Variants in CCDC85A observed in about 807,000 individuals in gnomAD.
CCDC85A encodes coiled-coil domain containing 85A.
Under a neutral mutation model 50.2 loss-of-function variants are expected in CCDC85A, and 38 were observed. The ratio of observed to expected loss-of-function variants is 0.76; its 90% CI spans 0.58 to 0.99. The LOEUF (loss-of-function observed/expected upper bound fraction) is 0.99. CCDC85A is among the 50% of genes least tolerant of loss of function. The pLI, the probability that CCDC85A is intolerant of heterozygous loss-of-function variation, is 0.00. For missense variants in CCDC85A, 820 were observed against 742.0 expected, an observed-to-expected ratio of 1.11 and a Z score of -1.22; for synonymous variants, 366 against 301.4, an observed-to-expected ratio of 1.21 and a Z score of -2.22.
intron 2 of CCDC85A, among the ~76,000 whole-genome samples, chr2:56,232,236 A>G (rs1162014088): frequency 6.6e-6 from 1 of 152,146 alleles, no homozygotes; most frequent in Non-Finnish European, 1.5e-5. Context: ...CCTAATTGGC[A>G]TCTGAAATGT....
At chr2:56,372,846 A>G (rs989520225) in intron 4 of CCDC85A, among the ~76,000 whole-genome samples, 4 of 152,204 alleles carry the variant, frequency 2.6e-5, no homozygotes, top group Non-Finnish European at 4.4e-5. Flanking sequence ...GAGGTGATGC[A>G]TGCACTGTGT....
At chr2:56,260,672 C>G (rs1017022958) in intron 2 of CCDC85A, among the ~76,000 whole-genome samples, 1 of 152,100 alleles carries the variant, frequency 6.6e-6, no homozygotes, top group African/African-American at 2.4e-5. Flanking sequence ...TTGAAGGTGA[C>G]GTTGCCTGGA....
intron 2 of CCDC85A, among the ~76,000 whole-genome samples, chr2:56,199,044 C>A (rs1676634335): frequency 6.6e-6 from 1 of 152,076 alleles, no homozygotes; most frequent in South Asian, 2.1e-4. Context: ...CTTGTTGCAA[C>A]TTTTCAGAAG....
rs953394802 is a variant in CCDC85A, at chr2:56,201,014, C to G, written c.1240+7574C>G. Among the ~76,000 whole-genome samples the G allele has an allele frequency of 2.3e-4, 34 of 147,524 alleles. No homozygotes were observed. The Admixed American group carries it at 2.3e-3, about 10-fold the overall frequency. ...GGCTTTTCCATGAGACAGGAGATAT[C>G]TAAGGGAAAAAGAGTGGATTTGGTA... On this transcript the variant is annotated intron_variant, in intron 2 of 5. Transcript: ENST00000407595.
chr2:56,245,075 G>T (rs919829736), intron 2 of CCDC85A, among the ~76,000 whole-genome samples: 3 of 152,166 alleles, frequency 2.0e-5, no homozygotes, highest in African/African-American at 4.8e-5. Flanking sequence ...CACCCTGACT[G>T]GTGTCTCACT....
intron 2 of CCDC85A, among the ~76,000 whole-genome samples, chr2:56,337,932 C>T (rs1368708015): frequency 6.6e-6 from 1 of 151,762 alleles, no homozygotes; most frequent in African/African-American, 2.4e-5. Flanking sequence ...TTACAGGCAG[C>T]TGCCACCATG....
chr2:56,258,202 G>A (rs1034002763), intron 2 of CCDC85A, among the ~76,000 whole-genome samples: 14 of 152,162 alleles, frequency 9.2e-5, no homozygotes, highest in African/African-American at 3.4e-4. Flanking sequence ...AAGCATGGCT[G>A]TGGGAGAAGA....
At chr2:56,207,730 C>T (rs973966353) in intron 2 of CCDC85A, among the ~76,000 whole-genome samples, 7 of 152,032 alleles carry the variant, frequency 4.6e-5, no homozygotes, top group African/African-American at 1.4e-4. Context: ...TTTCATCATG[C>T]CTTATGGGAC....
At chr2:56,321,224 C>G (rs1673168942) in intron 2 of CCDC85A, among the ~76,000 whole-genome samples, 1 of 152,086 alleles carries the variant, frequency 6.6e-6, no homozygotes, top group South Asian at 2.1e-4. Flanking sequence ...CCTTTGAAAA[C>G]TGGCACAAGA....
At chr2:56,187,344 G>T (rs1374413267) in intron 1 of CCDC85A, among the ~76,000 whole-genome samples, 1 of 152,106 alleles carries the variant, frequency 6.6e-6, no homozygotes, top group Non-Finnish European at 1.5e-5. Flanking sequence ...TATTTGTAAG[G>T]CTACCAGGTG....
At chr2:56,339,692 T>C (rs565080530) in intron 2 of CCDC85A, among the ~76,000 whole-genome samples, 1 of 152,304 alleles carries the variant, frequency 6.6e-6, no homozygotes, top group East Asian at 1.9e-4. Flanking sequence ...TTTTGTGTGG[T>C]TTAAATAGAA....
chr2:56,270,796 G>C (rs912338995), intron 2 of CCDC85A, among the ~76,000 whole-genome samples: 3 of 152,158 alleles, frequency 2.0e-5, no homozygotes, highest in African/African-American at 7.2e-5. Context: ...GGAACTCAAG[G>C]CAGACAGGGT....
chr2:56,245,928 T>C lies in CCDC85A; in HGVS notation c.1240+52488T>C, dbSNP rs541875377. 4.3e-4 allele frequency among the ~76,000 whole-genome samples: 65 copies of C among 152,344 alleles called. 1 individual carries two copies. The highest frequency in any genetic ancestry group is 1.5e-3 in the African/African-American group (62 of 41,572). On this transcript the variant is annotated intron_variant, in intron 2 of 5. Coordinates refer to ENST00000407595, the MANE Select transcript of CCDC85A (RefSeq NM_001080433.2). ...AACTGGGAGAAATAAATTTTTATTC[T>C]GTATAAATTACCGAGTCTCAGGTAT...
intron 2 of CCDC85A, among the ~76,000 whole-genome samples, chr2:56,237,373 A>G (rs1400022997): frequency 6.6e-6 from 1 of 152,246 alleles, no homozygotes; most frequent in African/African-American, 2.4e-5. Context: ...GGAGGCAGAA[A>G]GCAGGTGTCA....
At chr2:56,248,293 G>T (rs751696539) in intron 2 of CCDC85A, among the ~76,000 whole-genome samples, 2 of 152,180 alleles carry the variant, frequency 1.3e-5, no homozygotes, top group Non-Finnish European at 2.9e-5. Flanking sequence ...GTCTCCCTTG[G>T]TTGGGTCTCC....
chr2:56,325,637 A>G (rs1673428108), intron 2 of CCDC85A, among the ~76,000 whole-genome samples: 1 of 152,142 alleles, frequency 6.6e-6, no homozygotes, highest in African/African-American at 2.4e-5. Flanking sequence ...GATTCAGGAA[A>G]GCAGCTCATT....
intron 2 of CCDC85A, among the ~76,000 whole-genome samples, chr2:56,251,677 C>T (rs1669762658): frequency 6.6e-6 from 1 of 151,764 alleles, no homozygotes; most frequent in Non-Finnish European, 1.5e-5. Flanking sequence ...TGTTCCTGTT[C>T]TTATTATTGG....
intron 3 of CCDC85A, among the ~76,000 whole-genome samples, chr2:56,360,011 C>T (rs1024183025): frequency 2.0e-5 from 3 of 152,174 alleles, no homozygotes; most frequent in Admixed American, 6.5e-5. Flanking sequence ...AGAATCCTCA[C>T]TTACTTGTCT....
intron 2 of CCDC85A, among the ~76,000 whole-genome samples, chr2:56,255,676 G>A (rs2104005889): frequency 6.6e-6 from 1 of 152,206 alleles, no homozygotes; most frequent in Admixed American, 6.5e-5. Flanking sequence ...GAATGGAGGA[G>A]GTCATTGATG....
Sources: allele counts gnomAD v4.1 joint callset (sites outside exome capture counted in the v4.1 genomes callset), GRCh38; gene constraint gnomAD v4.1.1; transcripts MANE v1.5; gene names NCBI Gene and HGNC (gene_info 2026-07-23, HGNC 2026-07-21).